The following VPS13B variants were observed in gnomAD, a reference collection of about 807,000 sequenced individuals.
The protein encoded by VPS13B is intermembrane lipid transfer protein VPS13B.
In VPS13B, 285 loss-of-function variants were observed where a neutral mutation model predicts 426.4. The ratio of observed to expected loss-of-function variants is 0.67; its 90% CI spans 0.61 to 0.74. VPS13B has a LOEUF of 0.74. VPS13B is among the 30% of genes least tolerant of loss of function. The pLI is 0.00. For missense variants in VPS13B, 4,537 were observed against 4,782.6 expected (o/e 0.95, Z 1.51); for synonymous variants, 1,676 against 1,676.4 (o/e 1.00, Z 0.01).
intron 35 of VPS13B, among the ~76,000 whole-genome samples, chr8:99,662,772 C>T (rs959748126): frequency 1.3e-5 from 2 of 152,098 alleles, no homozygotes; most frequent in East Asian, 3.9e-4. Flanking sequence ...ATAGGCTGGG[C>T]ATGGTGGCTC....
At chr8:99,273,133 T>G (rs1382075331) in intron 17 of VPS13B, among the ~76,000 whole-genome samples, 1 of 152,016 alleles carries the variant, frequency 6.6e-6, no homozygotes, top group Non-Finnish European at 1.5e-5. Context: ...GACCAAAATA[T>G]TTCAGAGAAT....
intron 31 of VPS13B, among the ~76,000 whole-genome samples, chr8:99,558,745 T>A (rs976808657): frequency 3.9e-5 from 6 of 152,252 alleles, no homozygotes; most frequent in African/African-American, 1.4e-4. Context: ...GAACTCATCC[T>A]TTTTTATGGC....
chr8:99,589,113 T>C (rs1165319864), intron 33 of VPS13B, among the ~76,000 whole-genome samples: 1 of 151,838 alleles, frequency 6.6e-6, no homozygotes, highest in Non-Finnish European at 1.5e-5. Context: ...TTGATTTGCA[T>C]ATGTTGAACC....
intron 26 of VPS13B, 68 bp downstream of exon 26, chr8:99,501,926 C>CCCTCCCTT: frequency 4.7e-6 from 5 of 1,068,498 alleles, no homozygotes; most frequent in Admixed American, 2.8e-5. Context: ...CTCCCTCCCT[C>CCCTCCCTT]CCTTCCTTCC....
chr8:99,685,263 T>C (rs1008102307), intron 35 of VPS13B, among the ~76,000 whole-genome samples: 1 of 152,258 alleles, frequency 6.6e-6, no homozygotes, highest in Non-Finnish European at 1.5e-5. Context: ...TAGTTTTCTA[T>C]TGATGCATAA....
chr8:99,616,911 T>C (rs1828119712), intron 33 of VPS13B, among the ~76,000 whole-genome samples: 1 of 152,214 alleles, frequency 6.6e-6, no homozygotes, highest in Non-Finnish European at 1.5e-5. Context: ...TTTGAAATAA[T>C]TGACTGAAGT....
At chr8:99,163,383 C>T (rs1811788020) in intron 15 of VPS13B, among the ~76,000 whole-genome samples, 1 of 152,248 alleles carries the variant, frequency 6.6e-6, no homozygotes, top group African/African-American at 2.4e-5. Flanking sequence ...CCTGCCAGTC[C>T]TGCACCGTGC....
At chr8:99,484,557 TA>T (rs1361305841) in intron 25 of VPS13B, among the ~76,000 whole-genome samples, 1 of 152,166 alleles carries the variant, frequency 6.6e-6, no homozygotes, top group Non-Finnish European at 1.5e-5. Context: ...GGAAGATTTT[TA>T]TGAAGATGGT....
At chr8:99,014,180 T>A (rs1841482067) in intron 2 of VPS13B, among the ~76,000 whole-genome samples, 1 of 142,142 alleles carries the variant, frequency 7.0e-6, no homozygotes, top group South Asian at 2.3e-4. Flanking sequence ...TGCAGCTGCG[T>A]GATCTCGGCT....
chr8:99,570,652 T>A (rs554911908), intron 31 of VPS13B, among the ~76,000 whole-genome samples: 1 of 152,222 alleles, frequency 6.6e-6, no homozygotes, highest in Admixed American at 6.5e-5. Context: ...AATTTTATTA[T>A]CAAAAGTTCT....
At chr8:99,601,390 A>G (rs778968774) in intron 33 of VPS13B, among the ~76,000 whole-genome samples, 9 of 152,180 alleles carry the variant, frequency 5.9e-5, no homozygotes, top group Non-Finnish European at 1.2e-4. Context: ...TTCTTTATCC[A>G]GTCTGTCATT....
At chr8:99,351,552 C>T (rs949788198) in intron 19 of VPS13B, among the ~76,000 whole-genome samples, 1 of 151,880 alleles carries the variant, frequency 6.6e-6, no homozygotes, top group African/African-American at 2.4e-5. Flanking sequence ...CTGGAAAATA[C>T]TGGCTGAGCT....
At chr8:99,071,492 C>T (rs530426911) in intron 3 of VPS13B, among the ~76,000 whole-genome samples, 8 of 152,286 alleles carry the variant, frequency 5.3e-5, no homozygotes, top group African/African-American at 1.9e-4. Context: ...TCCATGTGGC[C>T]ACCACCACTA....
At chr8:99,416,626 G>A (rs968957272) in intron 21 of VPS13B, among the ~76,000 whole-genome samples, 2 of 152,144 alleles carry the variant, frequency 1.3e-5, no homozygotes, top group Non-Finnish European at 2.9e-5. Flanking sequence ...AGAGTACACC[G>A]TTCCTCATGG....
chr8:99,649,592 G>A (rs1829722499), intron 34 of VPS13B, among the ~76,000 whole-genome samples: 1 of 151,218 alleles, frequency 6.6e-6, no homozygotes, highest in Non-Finnish European at 1.5e-5. Flanking sequence ...AAATGCCTGT[G>A]TCACTGCCAC....
At chr8:99,309,991 A>G (rs907044295) in intron 19 of VPS13B, among the ~76,000 whole-genome samples, 3 of 152,058 alleles carry the variant, frequency 2.0e-5, no homozygotes, top group African/African-American at 4.8e-5. Flanking sequence ...TTTGTCTGTT[A>G]TTGGTGTATA....
intron 19 of VPS13B, among the ~76,000 whole-genome samples, chr8:99,334,788 A>T (rs574357634): frequency 1.3e-3 from 195 of 152,212 alleles, no homozygotes; most frequent in African/African-American, 4.5e-3. Flanking sequence ...TTTTGCATCA[A>T]TGTTCATCAA....
intron 19 of VPS13B, among the ~76,000 whole-genome samples, chr8:99,298,526 TAAA>T (rs1820169645): frequency 6.6e-6 from 1 of 151,858 alleles, no homozygotes; most frequent in South Asian, 2.1e-4. Flanking sequence ...AAAATAAAAA[TAAA>T]AAAGATATAC....
At chr8:99,468,287 G>A (rs1030666378) in intron 24 of VPS13B, among the ~76,000 whole-genome samples, 1 of 151,962 alleles carries the variant, frequency 6.6e-6, no homozygotes, top group Non-Finnish European at 1.5e-5. Context: ...CAGAATGATG[G>A]TTAGTCTATT....
Sources: gnomAD v4.1 joint callset for allele counts (sites outside exome capture counted in the v4.1 genomes callset) on GRCh38, gnomAD v4.1.1 for gene constraint, MANE v1.5 for transcripts, NCBI Gene and HGNC (gene_info 2026-07-23, HGNC 2026-07-21) for gene names.